UBR3: variants seen among roughly 807,000 people sequenced by gnomAD.
UBR3 encodes the protein E3 ubiquitin-protein ligase UBR3.
In UBR3, 85 loss-of-function variants were observed where a neutral mutation model predicts 243.2. That is an observed-to-expected ratio of 0.35 (90% CI 0.29 to 0.42). The LOEUF (loss-of-function observed/expected upper bound fraction) is 0.42. Among genes scored for constraint, UBR3 ranks in the 10% least tolerant of loss-of-function variants. The pLI is 1.00. For missense variants in UBR3, 1,686 were observed against 2,300.8 expected (o/e 0.73, Z 5.47); for synonymous variants, 748 against 799.8 (o/e 0.94, Z 1.09).
Position 169,913,933 on chromosome 2 carries a change from A to G in UBR3, c.1780-127A>G, listed in dbSNP as rs921733801. ...AAGGGAGAGTTTCTTGAAATGGCAA[A>G]TATAATCTTAAAATCTATACATTTT... On this transcript the variant is annotated intron_variant, in intron 10 of 38. Transcript: ENST00000272793. 4.8e-4 allele frequency: 181 copies of G among 380,778 alleles called. 2 individuals carry two copies. The highest frequency in any genetic ancestry group is 8.2e-5 in the Non-Finnish European group (19 of 233,114). The allele number at this position is 380,778 out of a possible 1,614,324, so 23.6% of individuals were successfully genotyped here.
intron 24 of UBR3, among the ~76,000 whole-genome samples, chr2:169,979,886 T>A (rs1426682906): frequency 1.3e-5 from 2 of 152,194 alleles, no homozygotes; most frequent in East Asian, 1.9e-4. Context: ...ATGTATATTT[T>A]AAAAAATCAT....
intron 1 of UBR3, among the ~76,000 whole-genome samples, chr2:169,837,871 AT>A (rs2082158890): frequency 6.6e-6 from 1 of 152,096 alleles, no homozygotes; most frequent in African/African-American, 2.4e-5. Context: ...CTTATTGAAC[AT>A]TTTTTTCCTC....
chr2:169,869,298 T>G (rs980411810), intron 1 of UBR3, among the ~76,000 whole-genome samples: 2 of 142,742 alleles, frequency 1.4e-5, no homozygotes, highest in African/African-American at 5.2e-5. Flanking sequence ...CTCGGCTCAC[T>G]GCAACCTCTG....
chr2:169,859,349 G>A (rs2083004633), intron 1 of UBR3, among the ~76,000 whole-genome samples: 1 of 152,090 alleles, frequency 6.6e-6, no homozygotes, highest in African/African-American at 2.4e-5. Context: ...GGGATTATAG[G>A]CGTGACACAC....
intron 10 of UBR3, among the ~76,000 whole-genome samples, chr2:169,911,731 T>C (rs2085261968): frequency 6.6e-6 from 1 of 152,166 alleles, no homozygotes; most frequent in Admixed American, 6.5e-5. Context: ...TGGTACCTCA[T>C]TGCCCAAATG....
intron 24 of UBR3, among the ~76,000 whole-genome samples, chr2:169,966,037 A>C (rs2087791535): frequency 6.6e-6 from 1 of 152,186 alleles, no homozygotes; most frequent in Non-Finnish European, 1.5e-5. Context: ...CTCTGAATGC[A>C]ACACATTTCT....
At chr2:169,998,193 T>C (rs1323369565) in intron 26 of UBR3, among the ~76,000 whole-genome samples, 1 of 152,210 alleles carries the variant, frequency 6.6e-6, no homozygotes, top group Non-Finnish European at 1.5e-5. Flanking sequence ...CAACACCAAA[T>C]AGAAAACTTT....
intron 19 of UBR3, 84 bp downstream of exon 19, chr2:169,933,092 C>T (rs1178454386): frequency 7.9e-6 from 7 of 887,852 alleles, no homozygotes; most frequent in Non-Finnish European, 1.2e-5. Flanking sequence ...ATATGATATG[C>T]TCTCATTAAA....
At chr2:169,867,249 ATATT>A (rs902725581) in intron 1 of UBR3, among the ~76,000 whole-genome samples, 17 of 152,292 alleles carry the variant, frequency 1.1e-4, no homozygotes, top group African/African-American at 4.1e-4. Flanking sequence ...CTTCTTATAT[ATATT>A]AACATTTGTT....
At chr2:169,995,925 A>G (rs949954878) in intron 26 of UBR3, among the ~76,000 whole-genome samples, 3 of 152,198 alleles carry the variant, frequency 2.0e-5, no homozygotes, top group Non-Finnish European at 4.4e-5. Flanking sequence ...GTAGTTTTTT[A>G]AATCTACTGT....
At chr2:170,040,526 A>C (rs1275611379) in intron 31 of UBR3, among the ~76,000 whole-genome samples, 1 of 152,204 alleles carries the variant, frequency 6.6e-6, no homozygotes, top group Non-Finnish European at 1.5e-5. Flanking sequence ...GTTTGTGATA[A>C]GTATCCTATA....
intron 30 of UBR3, among the ~76,000 whole-genome samples, chr2:170,018,627 A>G (rs2105413792): frequency 6.6e-6 from 1 of 152,286 alleles, no homozygotes; most frequent in South Asian, 2.1e-4. Flanking sequence ...GGGAATTTAG[A>G]GGTTTGTGAT....
chr2:169,974,221 TG>T (rs1388764142), intron 24 of UBR3, among the ~76,000 whole-genome samples: 2 of 152,200 alleles, frequency 1.3e-5, no homozygotes, highest in African/African-American at 4.8e-5. Context: ...CTTATTTTTC[TG>T]GAAGAGTTTG....
chr2:170,073,330 T>C (rs557730821), intron 35 of UBR3, 98 bp from the exon 36 acceptor site: 6 of 1,400,738 alleles, frequency 4.3e-6, no homozygotes, highest in Non-Finnish European at 5.9e-6. Context: ...AAGAAAGTTT[T>C]CTTATTGTCT....
chr2:170,048,457 C>G (rs756350729), intron 32 of UBR3, among the ~76,000 whole-genome samples: 3 of 152,146 alleles, frequency 2.0e-5, no homozygotes, highest in Non-Finnish European at 4.4e-5. Flanking sequence ...CGTGTTTCTC[C>G]TTTCATAAAT....
chr2:170,069,918 C>A (rs2091661329), intron 35 of UBR3, among the ~76,000 whole-genome samples: 1 of 152,008 alleles, frequency 6.6e-6, no homozygotes, highest in Non-Finnish European at 1.5e-5. Context: ...TATTTTAAAT[C>A]ATCTCCACCT....
At chr2:170,061,467 A>G (rs1445179760) in intron 35 of UBR3, 24 bp downstream of exon 35, 2 of 1,508,956 alleles carry the variant, frequency 1.3e-6, no homozygotes, top group South Asian at 2.4e-5. Flanking sequence ...GATATGTAAG[A>G]GGGAGCTTTT....
intron 24 of UBR3, chr2:169,964,486 C>T (rs1402876004): frequency 2.1e-6 from 1 of 467,736 alleles, no homozygotes; most frequent in Non-Finnish European, 4.4e-6. Flanking sequence ...GAATGGTCAC[C>T]TTATCCTCTG....
intron 6 of UBR3, among the ~76,000 whole-genome samples, chr2:169,892,113 C>G (rs2084399061): frequency 6.6e-6 from 1 of 152,140 alleles, no homozygotes; most frequent in Non-Finnish European, 1.5e-5. Context: ...GTTGCAGGTT[C>G]CTTTTCTAAG....
Sources: allele counts gnomAD v4.1 joint callset (sites outside exome capture counted in the v4.1 genomes callset), GRCh38; gene constraint gnomAD v4.1.1; transcripts MANE v1.5; gene names NCBI Gene and HGNC (gene_info 2026-07-23, HGNC 2026-07-21).